TSPAN9: variants seen among roughly 807,000 people sequenced by gnomAD.
TSPAN9 encodes the protein tetraspanin 9.
In TSPAN9, 16 loss-of-function variants were observed where a neutral mutation model predicts 31.0. The observed-to-expected ratio is 0.52, with a 90% CI of 0.35 to 0.78. TSPAN9 has a LOEUF of 0.78. TSPAN9 is among the 30% of genes least tolerant of loss of function. The pLI, the probability that TSPAN9 is intolerant of heterozygous loss-of-function variation, is 0.01. For synonymous variants in TSPAN9, 145 were observed against 121.6 expected (o/e 1.19, Z -1.27); for missense variants, 272 against 312.5 (o/e 0.87, Z 0.98).
chr12:3,212,684 A>G (rs7295115), intron 3 of TSPAN9, among the ~76,000 whole-genome samples: 85,087 of 152,030 alleles, frequency 0.56, 24,828 homozygotes, highest in Middle Eastern at 0.71. Context: ...AGGTGAGAGG[A>G]TGGAGGAGCC....
At chr12:3,210,133 CAAA>C (rs61255920) in intron 3 of TSPAN9, among the ~76,000 whole-genome samples, 8 of 141,238 alleles carry the variant, frequency 5.7e-5, no homozygotes, top group Non-Finnish European at 6.1e-5. Flanking sequence ...GACTCCGTCT[CAAA>C]AAAAAAAAAA....
At chr12:3,119,130 G>C (rs558035407) in intron 2 of TSPAN9, among the ~76,000 whole-genome samples, 1 of 152,288 alleles carries the variant, frequency 6.6e-6, no homozygotes. Context: ...TCTCCAAGCT[G>C]GTTCCCTGAC....
In TSPAN9 at chr12:3,107,579, A is replaced by G. The variant is rs1008349160; in HGVS notation, c.-18+23860A>G. ...TCTGGGGCCATGCATGCCTCTTGTT[A>G]GGTCTGGCTTTCCCTTTCTGTTTGG... On this transcript the variant is annotated intron_variant, in intron 2 of 8. Transcript: ENST00000011898. The surrounding 1 kb of genome is among the most constrained non-coding windows in gnomAD (Gnocchi z 4.1). 5.9e-5 allele frequency among the ~76,000 whole-genome samples: 9 copies of G among 152,184 alleles called. No homozygotes were observed. Among genetic ancestry groups the G allele is most frequent in the African/African-American group, 2.2e-4 (9 of 41,506 alleles).
chr12:3,082,351 A>AAGCCATGGAGG, intron 1 of TSPAN9, among the ~76,000 whole-genome samples: 1 of 152,198 alleles, frequency 6.6e-6, no homozygotes, highest in Non-Finnish European at 1.5e-5. Context: ...GTGTGCAGGG[A>AAGCCATGGAGG]AGCCATGGAG....
chr12:3,207,018 A>C (rs2098375621), intron 3 of TSPAN9, among the ~76,000 whole-genome samples: 1 of 152,132 alleles, frequency 6.6e-6, no homozygotes. Flanking sequence ...CCTGCTGGAC[A>C]CATGCAATGG....
At chr12:3,193,980 C>T (rs895187180) in intron 2 of TSPAN9, among the ~76,000 whole-genome samples, 4 of 152,208 alleles carry the variant, frequency 2.6e-5, no homozygotes, top group Non-Finnish European at 4.4e-5. Flanking sequence ...CAGGTTCAGA[C>T]GCCCTTGGAT....
At chr12:3,178,381 C>G (rs2098357046) in intron 2 of TSPAN9, among the ~76,000 whole-genome samples, 1 of 151,830 alleles carries the variant, frequency 6.6e-6, no homozygotes, top group Non-Finnish European at 1.5e-5. Flanking sequence ...ACCCCTGCTT[C>G]CTGGGTTCAA....
rs912939102 is a variant in TSPAN9, at chr12:3,187,058, C to A, written c.-17-14119C>A. 2.0e-5 allele frequency among the ~76,000 whole-genome samples: 3 copies of A among 152,190 alleles called. No homozygotes were observed. On this transcript the variant is annotated intron_variant, in intron 2 of 8. Coordinates refer to ENST00000011898, the MANE Select transcript of TSPAN9 (RefSeq NM_006675.5). This position sits in a 1 kb window ranked among gnomAD's most constrained non-coding sequence, Gnocchi z 5.2. ...AGCGCTCTGAATCGGGGCTTTTCCC[C>A]TGTAGAGCTGATTGTTGAACGTCTG...
Position 3,201,210 on chromosome 12 carries a change from T to C in TSPAN9, c.17T>C (p.Leu6Pro). 1.2e-6 allele frequency: 2 copies of C among 1,614,160 alleles called. No individual in the cohort carries two copies. Among genetic ancestry groups the C allele is most frequent in the Non-Finnish European group, 1.7e-6 (2 of 1,180,022 alleles). Reference protein sequence around the residue: MARGCLCCLKYMMFLF... With the variant: MARGCPCCLKYMMFLF... ...AAGTGCAACATGGCCAGGGGCTGCC[T>C]CTGCTGCTTGAAGTACATGATGTTC... is the stretch of plus-strand genomic sequence containing the variant. The change falls in exon 3 of 9, where the codon CTC becomes CCC. Residue 6 changes from leucine to proline, a missense_variant. Transcript: ENST00000011898.
At chr12:3,248,822 T>G (rs1219029867) in intron 3 of TSPAN9, among the ~76,000 whole-genome samples, 1 of 152,136 alleles carries the variant, frequency 6.6e-6, no homozygotes, top group Non-Finnish European at 1.5e-5. Flanking sequence ...CTTCCACTGG[T>G]CTTTCAAACT....
intron 2 of TSPAN9, among the ~76,000 whole-genome samples, chr12:3,119,370 A>C (rs2098324043): frequency 6.6e-6 from 1 of 152,180 alleles, no homozygotes; most frequent in Non-Finnish European, 1.5e-5. Flanking sequence ...CAGAAAAGGG[A>C]TGTAAACTCA....
chr12:3,177,619 G>A (rs376551934), intron 2 of TSPAN9, among the ~76,000 whole-genome samples: 1 of 152,318 alleles, frequency 6.6e-6, no homozygotes, highest in East Asian at 1.9e-4. Flanking sequence ...TTTTAGTAGA[G>A]ATGGGGTTTT....
At chr12:3,178,624 C>T (rs918683163) in intron 2 of TSPAN9, among the ~76,000 whole-genome samples, 4 of 152,198 alleles carry the variant, frequency 2.6e-5, no homozygotes, top group Non-Finnish European at 4.4e-5. Context: ...GTGCTTATCC[C>T]GGTGCCTGAC....
chr12:3,172,606 C>T lies in TSPAN9; in HGVS notation c.-17-28571C>T, dbSNP rs1046711993. The T allele has an allele frequency of 6.6e-6, 1 of 152,188 alleles. No individual in the cohort carries two copies. Among genetic ancestry groups the T allele is most frequent in the Non-Finnish European group, 1.5e-5 (1 of 68,104 alleles). The allele number at this position is 152,188 out of a possible 1,614,324, so 9.4% of individuals were successfully genotyped here. A position where few individuals can be genotyped will look rare whatever the true frequency, so the allele number is the denominator to read the frequency against. ...TTTGGTTGGCCCTGCCAGCGGTGCT[C>T]ACGAGGCCCACTCCTGGCCAAGAGC... On this transcript the variant is annotated intron_variant, in intron 2 of 8. Transcript: ENST00000011898. This position sits in a 1 kb window ranked among gnomAD's most constrained non-coding sequence, Gnocchi z 4.8.
At chr12:3,128,115 G>A (rs1439924434) in intron 2 of TSPAN9, among the ~76,000 whole-genome samples, 1 of 152,214 alleles carries the variant, frequency 6.6e-6, no homozygotes. Flanking sequence ...CTGAAGCATT[G>A]TTATGTGGTG....
intron 3 of TSPAN9, among the ~76,000 whole-genome samples, chr12:3,225,380 C>T (rs1037760158): frequency 6.6e-6 from 1 of 152,102 alleles, no homozygotes; most frequent in Non-Finnish European, 1.5e-5. Context: ...TGTGCGGTGG[C>T]GGTCACAGCA....
chr12:3,208,308 G>A (rs117758120), intron 3 of TSPAN9, among the ~76,000 whole-genome samples: 2,039 of 152,272 alleles, frequency 0.013, 22 homozygotes, highest in South Asian at 0.04. Flanking sequence ...GAGAATGGGG[G>A]CAGCTGGGAG....
chr12:3,213,593 T>A (rs866192448), intron 3 of TSPAN9, among the ~76,000 whole-genome samples: 13 of 152,110 alleles, frequency 8.5e-5, no homozygotes, highest in Admixed American at 3.9e-4. Context: ...TTGTTCCCAT[T>A]TATGGCAGCT....
chr12:3,144,459 G>A (rs1266671501), intron 2 of TSPAN9, among the ~76,000 whole-genome samples: 1 of 152,176 alleles, frequency 6.6e-6, no homozygotes, highest in African/African-American at 2.4e-5. Context: ...CAGAGACGGA[G>A]GCACAGGTTG....
Sources: gnomAD v4.1 joint callset for allele counts (sites outside exome capture counted in the v4.1 genomes callset) on GRCh38, gnomAD v4.1.1 for gene constraint, Gnocchi (gnomAD v3.1) non-coding constraint, MANE v1.5 for transcripts, NCBI Gene and HGNC (gene_info 2026-07-23, HGNC 2026-07-21) for gene names.